Variants in PRKCA observed in about 807,000 individuals in gnomAD.
The protein encoded by PRKCA is protein kinase C alpha, also known as protein kinase C alpha type.
A neutral mutation model predicts 87.0 loss-of-function variants in PRKCA; 27 were observed. The ratio of observed to expected loss-of-function variants is 0.31; its 90% CI spans 0.23 to 0.43. PRKCA has a LOEUF of 0.43. PRKCA is among the 20% of genes least tolerant of loss of function. The probability of loss-of-function intolerance (pLI) is 1.00; values close to 1 mark genes in which losing one functional copy is unlikely to be tolerated. For missense variants in PRKCA, 518 were observed against 852.3 expected, an observed-to-expected ratio of 0.61 and a Z score of 4.88; for synonymous variants, 329 against 311.1, an observed-to-expected ratio of 1.06 and a Z score of -0.61.
intron 3 of PRKCA, among the ~76,000 whole-genome samples, chr17:66,570,890 C>T (rs1235255749): frequency 6.6e-6 from 1 of 152,170 alleles, no homozygotes; most frequent in Non-Finnish European, 1.5e-5. Flanking sequence ...GAGCATGTCA[C>T]TCAGCCATCC....
At chr17:66,406,000 C>T (rs1911349007) in intron 2 of PRKCA, among the ~76,000 whole-genome samples, 1 of 152,150 alleles carries the variant, frequency 6.6e-6, no homozygotes, top group East Asian at 1.9e-4. Flanking sequence ...TGGCTTCCTT[C>T]CCTTTTCTCC....
chr17:66,458,228 G>A (rs1207725406), intron 2 of PRKCA, among the ~76,000 whole-genome samples: 1 of 152,206 alleles, frequency 6.6e-6, no homozygotes. Context: ...AGCCAGTGAG[G>A]CATTCCTTCT....
intron 2 of PRKCA, among the ~76,000 whole-genome samples, chr17:66,338,071 C>T (rs897049306): frequency 4.3e-4 from 64 of 150,560 alleles, no homozygotes; most frequent in Non-Finnish European, 3.7e-4. Flanking sequence ...AGTTTTAACC[C>T]GGTGAATTCC....
rs201370639 is a variant in PRKCA at position 66,344,834 on chromosome 17, C to A, written c.205+38707C>A. Among the ~76,000 whole-genome samples, 13 of 152,312 alleles carry A rather than the reference C, an allele frequency of 8.5e-5. 1 individual carries two copies. The highest frequency in any genetic ancestry group is 5.9e-4 in the Admixed American group (9 of 15,298). The stretch of plus-strand genomic sequence containing the variant: ...AGGCTGGGGTGCACTTGCGCGATCT[C>A]GGCTCACTGCAACTTCCACCTCCTG... On this transcript the variant is annotated intron_variant, in intron 2 of 16. Transcript: ENST00000413366.
At chr17:66,489,016 G>T (rs752339798) in intron 2 of PRKCA, among the ~76,000 whole-genome samples, 2 of 151,878 alleles carry the variant, frequency 1.3e-5, no homozygotes, top group Non-Finnish European at 2.9e-5. Context: ...CTGCTGTGAC[G>T]TTGCCTTTCA....
intron 3 of PRKCA, among the ~76,000 whole-genome samples, chr17:66,567,082 A>G (rs755126710): frequency 3.3e-5 from 5 of 152,178 alleles, no homozygotes; most frequent in Non-Finnish European, 5.9e-5. Context: ...TTAATTTTAA[A>G]ATATGGAAAA....
At chr17:66,457,805 T>C (rs1914637060) in intron 2 of PRKCA, among the ~76,000 whole-genome samples, 1 of 152,054 alleles carries the variant, frequency 6.6e-6, no homozygotes, top group African/African-American at 2.4e-5. Flanking sequence ...GAACTGTGAG[T>C]CAATTAAACC....
At chr17:66,702,248 AAAG>A (rs1205568947) in intron 8 of PRKCA, among the ~76,000 whole-genome samples, 1 of 152,178 alleles carries the variant, frequency 6.6e-6, no homozygotes, top group Non-Finnish European at 1.5e-5. Flanking sequence ...GAGTCTTTAA[AAAG>A]AAGAAACATT....
chr17:66,326,439 C>A (rs1486966254), intron 2 of PRKCA, among the ~76,000 whole-genome samples: 1 of 152,126 alleles, frequency 6.6e-6, no homozygotes, highest in Non-Finnish European at 1.5e-5. Flanking sequence ...TGATATAAAA[C>A]AAGTGTGGCT....
chr17:66,306,092 T>G lies in PRKCA; in HGVS notation c.174-4T>G, dbSNP rs1041220834. 6 of 1,612,432 alleles carry G rather than the reference T, an allele frequency of 3.7e-6. No individual in the cohort carries two copies. Among genetic ancestry groups the G allele is most frequent in the Non-Finnish European group, 5.1e-6 (6 of 1,179,470 alleles). On this transcript the variant is annotated splice_polypyrimidine_tract_variant and splice_region_variant and intron_variant, in intron 1 of 16. Coordinates refer to ENST00000413366, the MANE Select transcript of PRKCA (RefSeq NM_002737.3). ...GATATTTTGTTCTTGTTTTTGTTTT[T>G]CAGGGGGTTTGGGAAACAAGGCTTC...
At chr17:66,770,061 A>G (rs1974898168) in intron 13 of PRKCA, among the ~76,000 whole-genome samples, 1 of 152,226 alleles carries the variant, frequency 6.6e-6, no homozygotes, top group Non-Finnish European at 1.5e-5. Context: ...GGAATACTTT[A>G]TATTTCCTCT....
chr17:66,518,120 G>A (rs1029560226), intron 3 of PRKCA, among the ~76,000 whole-genome samples: 7 of 152,110 alleles, frequency 4.6e-5, no homozygotes, highest in East Asian at 1.9e-4. Flanking sequence ...TGGCCCTGTC[G>A]TCTTTGATGG....
chr17:66,727,928 A>T (rs1973796089), intron 8 of PRKCA, among the ~76,000 whole-genome samples: 1 of 152,002 alleles, frequency 6.6e-6, no homozygotes, highest in Non-Finnish European at 1.5e-5. Flanking sequence ...ACCCCCAGTG[A>T]TGTAGCTGCT....
intron 5 of PRKCA, among the ~76,000 whole-genome samples, chr17:66,674,296 A>T (rs1254041139): frequency 6.6e-6 from 1 of 152,150 alleles, no homozygotes; most frequent in African/African-American, 2.4e-5. Flanking sequence ...ACTGAGATGG[A>T]TGGAGGAGTG....
intron 10 of PRKCA, among the ~76,000 whole-genome samples, chr17:66,736,028 AC>A (rs1974017379): frequency 1.4e-5 from 2 of 143,946 alleles, no homozygotes; most frequent in African/African-American, 5.2e-5. Context: ...CCACAGATGT[AC>A]CCCACCACAC....
chr17:66,473,173 G>A (rs930137736), intron 2 of PRKCA, among the ~76,000 whole-genome samples: 14 of 151,742 alleles, frequency 9.2e-5, no homozygotes, highest in Non-Finnish European at 4.4e-5. Flanking sequence ...TGCCTCCCCC[G>A]GTAGCTCACT....
intron 2 of PRKCA, among the ~76,000 whole-genome samples, chr17:66,359,274 C>G (rs1908243489): frequency 6.6e-6 from 1 of 152,152 alleles, no homozygotes; most frequent in African/African-American, 2.4e-5. Flanking sequence ...TAATAGCCCA[C>G]AGACACGCGT....
chr17:66,482,968 A>AC (rs1915847611), intron 2 of PRKCA, among the ~76,000 whole-genome samples: 1 of 152,200 alleles, frequency 6.6e-6, no homozygotes, highest in Admixed American at 6.5e-5. Flanking sequence ...TATTCACAGG[A>AC]CCCTAATTCA....
At position 66,762,997 on chromosome 17, in the gene PRKCA, G is replaced by A. The variant is rs534824579; in HGVS notation, c.1525-10990G>A. On this transcript the variant is annotated intron_variant, in intron 13 of 16. Coordinates refer to ENST00000413366, the MANE Select transcript of PRKCA (RefSeq NM_002737.3). ...GTAGAGACAGAGTTTCACCATGTTG[G>A]CCAGGCTGGTCTTGAACTCCTGACC... Among the ~76,000 whole-genome samples, 47 of 152,262 alleles carry A rather than the reference G, an allele frequency of 3.1e-4. No homozygotes were observed. The South Asian group carries it at 8.9e-3, about 29-fold the overall frequency.
Sources: allele counts gnomAD v4.1 joint callset (sites outside exome capture counted in the v4.1 genomes callset), GRCh38; gene constraint gnomAD v4.1.1; transcripts MANE v1.5; gene names NCBI Gene and HGNC (gene_info 2026-07-23, HGNC 2026-07-21).